PRICKLE3: variants seen among roughly 807,000 people sequenced by gnomAD.
The protein encoded by PRICKLE3 is LIM domain only protein 6.
Under a neutral mutation model 33.8 loss-of-function variants are expected in PRICKLE3, and 17 were observed. The ratio of observed to expected loss-of-function variants is 0.50; its 90% confidence interval spans 0.34 to 0.75. The LOEUF is 0.75. Ranked by LOEUF, PRICKLE3 falls within the 30% of genes least tolerant of loss-of-function variation. The pLI, the probability that PRICKLE3 is intolerant of heterozygous loss-of-function variation, is 0.01. For missense variants in PRICKLE3, 573 were observed against 576.7 expected, an observed-to-expected ratio of 0.99 and a Z score of 0.07; for synonymous variants, 211 against 219.6, an observed-to-expected ratio of 0.96 and a Z score of 0.34.
In PRICKLE3 at chrX:49,178,026, C is replaced by T. The variant is rs782256820; in HGVS notation, c.922G>A (p.Ala308Thr). The change falls in exon 7 of 9, where the codon GCG (alanine) becomes ACG (threonine). Residue 308 changes from alanine (A) to threonine (T), a missense_variant. By Grantham distance (58) the Ala-to-Thr change is moderately conservative. Transcript: ENST00000599218. ...TCCCCACAGCCATCACAGTACTCCG[C>T]GTGGCGGGCCTCGTAGCAGGCGCAG... ...HCCACYEARH[A>T]EYCDGCGEHI... 16 of 1,154,448 alleles carry T rather than the reference C, an allele frequency of 1.4e-5. No homozygotes were observed. The highest frequency in any genetic ancestry group is 8.2e-5 in the South Asian group (4 of 48,695).
In PRICKLE3 at chrX:49,179,637, T is replaced by C. The variant is rs781847620; in HGVS notation, c.426+56A>G. 14 of 1,007,913 alleles carry C rather than the reference T, an allele frequency of 1.4e-5. No individual in the cohort carries two copies. In the African/African-American group the frequency reaches 1.7e-4, roughly 12 times the overall value. The allele number at this position is 1,007,913 out of a possible 1,213,427, so 83.1% of individuals were successfully genotyped here. A position where few individuals can be genotyped will look rare whatever the true frequency, so the allele number is the denominator to read the frequency against. ...TTTCCTCCTCTGACCCTGCCCTGCA[T>C]TGGCCCAGGCTGTGTGCTGTGCCTG... On this transcript the variant is annotated intron_variant, in intron 4 of 8. Coordinates refer to ENST00000599218, the MANE Select transcript of PRICKLE3 (RefSeq NM_006150.5).
At position 49,179,387 on chromosome X, in the gene PRICKLE3, G is replaced by C. The variant is rs1557100658; in HGVS notation, c.428C>G (p.Ala143Gly). ...CTCTTCCAGTGCTGTGCAGTACTGT[G>C]CCTGGGAGGAGAAGGCATCTCCCAG... Reference protein sequence around the residue: ...LHQLPPHDSEAQYCTALEEEE... With the variant: ...LHQLPPHDSEGQYCTALEEEE... Residue 143 changes from alanine (A) to glycine (G), a missense_variant and splice_region_variant, in exon 5 of 9, where the codon GCA becomes GGA. Physicochemically the swap from Ala to Gly is moderately conservative, Grantham distance 60. Coordinates refer to ENST00000599218, the MANE Select transcript of PRICKLE3 (RefSeq NM_006150.5). 2.5e-6 allele frequency: 3 copies of C among 1,207,478 alleles called. No homozygotes were observed. The Admixed American group carries it at 6.6e-5, about 26-fold the overall frequency.
chrX:49,179,628 T>A, intron 4 of PRICKLE3, 65 bp downstream of exon 4: 1 of 963,629 alleles, frequency 1.0e-6, no homozygotes, highest in East Asian at 3.3e-5. Flanking sequence ...CCTCTGACCC[T>A]GCCCTGCATT....
At chrX:49,181,850 T>C (rs1040599669) in intron 3 of PRICKLE3, among the ~76,000 whole-genome samples, 1 of 106,799 alleles carries the variant, frequency 9.4e-6, no homozygotes, top group Non-Finnish European at 1.9e-5. Flanking sequence ...GGTTTCTCCA[T>C]GTTGGTCAGG....
chrX:49,179,165 T>C, intron 5 of PRICKLE3, 86 bp downstream of exon 5: 1 of 1,095,022 alleles, frequency 9.1e-7, no homozygotes, highest in Non-Finnish European at 1.2e-6. Context: ...GCAGGCCTCA[T>C]CTTCCCAGTG....
At chrX:49,176,321 C>T in intron 8 of PRICKLE3, 56 bp from the exon 9 acceptor site, 3 of 934,845 alleles carry the variant, frequency 3.2e-6, no homozygotes, top group Non-Finnish European at 2.9e-6. Context: ...TGGCCCCCTC[C>T]TAAGAGGAGG....
intron 3 of PRICKLE3, among the ~76,000 whole-genome samples, chrX:49,180,516 C>G (rs1288603299): frequency 1.9e-4 from 21 of 111,258 alleles, no homozygotes; most frequent in African/African-American, 5.6e-4. Context: ...AATCATTGTT[C>G]AGGTCTCAGT....
Position 49,175,469 on chromosome X carries a change from C to G in PRICKLE3, c.*204G>C, listed in dbSNP as rs1557099739. On this transcript the variant is annotated 3_prime_UTR_variant, in exon 9 of 9. Coordinates refer to ENST00000599218, the MANE Select transcript of PRICKLE3 (RefSeq NM_006150.5). ...CCAAAACTTTTGAGGCTGCAGTGAG[C>G]CCTGATCACACCACTGCACTCCAGC... The G allele has an allele frequency of 9.2e-6, 4 of 434,498 alleles. No homozygotes were observed. Among genetic ancestry groups the G allele is most frequent in the African/African-American group, 2.5e-5 (1 of 40,388 alleles). 35.8% of individuals were successfully genotyped at this position (434,498 alleles called of 1,213,427 possible).
Position 49,179,342 on chromosome X carries a change from C to T in PRICKLE3, c.473G>A (p.Arg158Gln), listed in dbSNP as rs181835917. 80 of 1,209,564 alleles carry T rather than the reference C, an allele frequency of 6.6e-5. No individual in the cohort carries two copies. In the African/African-American group the frequency reaches 9.8e-4, roughly 15 times the overall value. Residue 158 changes from arginine to glutamine, a missense_variant, in exon 5 of 9, where the codon CGA becomes CAA. By Grantham distance (43) the Arg-to-Gln change is conservative. Coordinates refer to ENST00000599218, the MANE Select transcript of PRICKLE3 (RefSeq NM_006150.5). ...CCGCTTCCGCTGCTGGCTAAAGGCTCGGAGCTCTTTCTTTTCCTCCTCTTC... is the reference window on the plus strand; with the variant it reads ...CCGCTTCCGCTGCTGGCTAAAGGCTTGGAGCTCTTTCTTTTCCTCCTCTTC... Reference protein sequence around the residue: ...ALEEEEKKELRAFSQQRKREN... With the variant: ...ALEEEEKKELQAFSQQRKREN...
chrX:49,176,779 G>A lies in PRICKLE3; in HGVS notation c.1255+124C>T. 4 of 714,330 alleles carry A rather than the reference G, an allele frequency of 5.6e-6. No homozygotes were observed. In the South Asian group the frequency reaches 1.6e-4, roughly 28 times the overall value. 58.9% of individuals were successfully genotyped at this position (714,330 alleles called of 1,213,427 possible). ...AGGAGGATGAGCTGAGAAATGGGCG[G>A]GGCCCAGGGATACAGCAGGTGAAGG... is the stretch of plus-strand genomic sequence containing the variant. On this transcript the variant is annotated intron_variant, in intron 8 of 8. Transcript: ENST00000599218.
rs928124183 is a variant in PRICKLE3 at position 49,177,047 on chromosome X, C to T, written c.1111G>A (p.Glu371Lys). 8 of 1,208,808 alleles carry T rather than the reference C, an allele frequency of 6.6e-6. No homozygotes were observed. Among genetic ancestry groups the T allele is most frequent in the South Asian group, 1.8e-5 (1 of 56,612 alleles). ...CGGCTCGGCCCTGGAGCTGTGGGCT[C>T]GGACCCAAGGCTGCAGGCTCGAGAG... ...FCSRACSLGSEPTAPGPSRRS... is the reference protein window; with the variant it reads ...FCSRACSLGSKPTAPGPSRRS... The change falls in exon 8 of 9, where the codon GAG becomes AAG. Residue 371 changes from glutamate to lysine, a missense_variant. Glu to Lys is a moderately conservative substitution (Grantham distance 56). Coordinates refer to ENST00000599218, the MANE Select transcript of PRICKLE3 (RefSeq NM_006150.5).
intron 3 of PRICKLE3, 67 bp downstream of exon 3, chrX:49,183,666 TG>T: frequency 8.7e-7 from 1 of 1,154,999 alleles, no homozygotes; most frequent in East Asian, 3.1e-5. Flanking sequence ...CCTGAGTGTG[TG>T]TGTGTGTGTG....
Position 49,176,108 on chromosome X carries a change from G to A in PRICKLE3, c.1413C>T (p.Thr471=), listed in dbSNP as rs1557099939. 1 of 1,207,623 alleles carries A rather than the reference G, an allele frequency of 8.3e-7. No homozygotes were observed. Among genetic ancestry groups the A allele is most frequent in the Non-Finnish European group, 1.1e-6 (1 of 894,306 alleles). The change falls in exon 9 of 9, where the codon ACC becomes ACT. Residue 471 remains threonine, a synonymous_variant. Transcript: ENST00000599218. ...GAGGGTCGCGGAAGCTGACGCGTGG[G>A]GTGCTCTGACGACCGAAGGCACTAT... ...PDDSAFGRQS[T]PRVSFRDPLV... is the part of the protein sequence containing the mutation.
rs1557099733 is a variant in PRICKLE3 at position 49,175,434 on chromosome X, T to C, written c.*239A>G. On this transcript the variant is annotated 3_prime_UTR_variant, in exon 9 of 9. Coordinates refer to ENST00000599218, the MANE Select transcript of PRICKLE3 (RefSeq NM_006150.5). Reference sequence around the variant, plus strand: ...TACTTGGGAGGCTGAGGTGGGAGGATAGCTTGAGCCCAAAACTTTTGAGGC... The same window carrying C: ...TACTTGGGAGGCTGAGGTGGGAGGACAGCTTGAGCCCAAAACTTTTGAGGC... 2.8e-6 allele frequency: 1 copy of C among 359,115 alleles called. No individual in the cohort carries two copies. 29.6% of individuals were successfully genotyped at this position (359,115 alleles called of 1,213,427 possible). A position where few individuals can be genotyped will look rare whatever the true frequency, so the allele number is the denominator to read the frequency against.
In PRICKLE3 at chrX:49,180,922, T is replaced by C. The variant is rs782404928; in HGVS notation, c.313-1116A>G. ...GCTATTTAGATGTCTAACAGGCATC[T>C]CAAACTCCAGATGGCCACAACCAAA... On this transcript the variant is annotated intron_variant, in intron 3 of 8. Transcript: ENST00000599218. Among the ~76,000 whole-genome samples the C allele has an allele frequency of 1.4e-3, 158 of 111,055 alleles. 1 individual carries two copies. Among genetic ancestry groups the C allele is most frequent in the Non-Finnish European group, 2.7e-3 (145 of 52,992 alleles).
In PRICKLE3 at chrX:49,181,569, A is replaced by ATGTACGTG. The variant is rs2065453833; in HGVS notation, c.313-1764_313-1763insCACGTACA. Among the ~76,000 whole-genome samples, 15 of 79,178 alleles carry ATGTACGTG rather than the reference A, an allele frequency of 1.9e-4. 6 individuals are homozygous for ATGTACGTG. Among genetic ancestry groups the ATGTACGTG allele is most frequent in the East Asian group, 1.2e-3 (3 of 2,537 alleles). The allele number at this position is 79,178 out of a possible 115,157, so 68.8% of individuals were successfully genotyped here. A position where few individuals can be genotyped will look rare whatever the true frequency, so the allele number is the denominator to read the frequency against. On this transcript the variant is annotated intron_variant, in intron 3 of 8. Transcript: ENST00000599218. The stretch of plus-strand genomic sequence containing the variant: ...TATATGTGTATATATATACACGTAT[A>ATGTACGTG]TATACGTATATATATACGCGTGTAT...
rs1171009458 is a variant in PRICKLE3, at chrX:49,176,032, G to T, written c.1489C>A (p.Arg497Ser). 5 of 1,206,069 alleles carry T rather than the reference G, an allele frequency of 4.1e-6. No individual in the cohort carries two copies. The highest frequency in any genetic ancestry group is 4.5e-6 in the Non-Finnish European group (4 of 893,527). Reference protein sequence around the residue: ...RRTLSAPPAQRRRPRSPPPRA... With the variant: ...RRTLSAPPAQSRRPRSPPPRA... The stretch of plus-strand genomic sequence containing the variant: ...GGTGGGGGACTGCGTGGCCTGCGGC[G>T]CTGGGCCGGGGGTGCACTCAGGGTC... Residue 497 changes from arginine (R) to serine (S), a missense_variant, in exon 9 of 9, where the codon CGC (arginine) becomes AGC (serine). Transcript: ENST00000599218.
Position 49,177,124 on chromosome X carries a change from C to A in PRICKLE3, c.1034G>T (p.Gly345Val). ...GAATGGGCGGCCCAGCAGGGCCCGC[C>A]CACAGCGACTACAGCAGAAGCAGCG... is the stretch of plus-strand genomic sequence containing the variant. ...SDRCFCCSRCGRALLGRPFLP... is the reference protein window; with the variant it reads ...SDRCFCCSRCVRALLGRPFLP... Residue 345 changes from glycine (G) to valine (V), a missense_variant, in exon 8 of 9, where the codon GGG (glycine) becomes GTG (valine). By Grantham distance (109) the Gly-to-Val change is moderately radical. Coordinates refer to ENST00000599218, the MANE Select transcript of PRICKLE3 (RefSeq NM_006150.5). 8.3e-7 allele frequency: 1 copy of A among 1,200,738 alleles called. No homozygotes were observed.
intron 4 of PRICKLE3, 97 bp downstream of exon 4, chrX:49,179,596 C>T (rs1344038385): frequency 4.5e-6 from 4 of 880,575 alleles, no homozygotes; most frequent in African/African-American, 2.0e-5. Flanking sequence ...GACCACTCAC[C>T]TCAGATCAGC....
Sources: allele counts gnomAD v4.1 joint callset (sites outside exome capture counted in the v4.1 genomes callset), GRCh38; gene constraint gnomAD v4.1.1; transcripts MANE v1.5; gene names NCBI Gene and HGNC (gene_info 2026-07-23, HGNC 2026-07-21).